DYNC2H1: variants seen among roughly 807,000 people sequenced by gnomAD.
The protein encoded by DYNC2H1 is dynein cytoplasmic 2 heavy chain 1.
DYNC2H1 carries 410 observed loss-of-function variants against 570.0 expected under a neutral mutation model. The ratio of observed to expected loss-of-function variants is 0.72; its 90% CI spans 0.66 to 0.78. The LOEUF (loss-of-function observed/expected upper bound fraction) is 0.78. Among genes scored for constraint, DYNC2H1 ranks in the 30% least tolerant of loss-of-function variants. The pLI, the probability that DYNC2H1 is intolerant of heterozygous loss-of-function variation, is 0.00. For missense variants in DYNC2H1, 4,865 were observed against 5,046.4 expected, an observed-to-expected ratio of 0.96 and a Z score of 1.09; for synonymous variants, 1,688 against 1,677.6, an observed-to-expected ratio of 1.01 and a Z score of -0.15.
intron 83 of DYNC2H1, among the ~76,000 whole-genome samples, chr11:103,371,205 A>G (rs920799878): frequency 1.3e-5 from 2 of 152,120 alleles, no homozygotes; most frequent in Non-Finnish European, 2.9e-5. Flanking sequence ...AACAGAATTC[A>G]TCAAGCAGAA....
chr11:103,329,200 T>G (rs868270637), intron 82 of DYNC2H1, among the ~76,000 whole-genome samples: 4 of 151,834 alleles, frequency 2.6e-5, no homozygotes, highest in South Asian at 4.2e-4. Flanking sequence ...GATTAACACA[T>G]ACTTGAAGAT....
intron 31 of DYNC2H1, among the ~76,000 whole-genome samples, chr11:103,166,990 CTTTTT>C (rs34816989): frequency 3.5e-5 from 2 of 56,992 alleles, no homozygotes; most frequent in African/African-American, 1.4e-4. Context: ...GAGGCGCTGC[CTTTTT>C]TTTTTTTTTT....
chr11:103,196,694 T>C (rs958561754), intron 47 of DYNC2H1, among the ~76,000 whole-genome samples: 1 of 152,048 alleles, frequency 6.6e-6, no homozygotes, highest in Non-Finnish European at 1.5e-5. Context: ...AGCAGAAAAC[T>C]GAAAAGGACT....
intron 50 of DYNC2H1, 136 bp downstream of exon 50, chr11:103,200,290 C>T (rs944893142): frequency 3.3e-5 from 20 of 610,484 alleles, no homozygotes; most frequent in Non-Finnish European, 4.2e-5. Flanking sequence ...TGGTGTTAAA[C>T]ATGCTCATGG....
intron 70 of DYNC2H1, among the ~76,000 whole-genome samples, chr11:103,262,776 T>A (rs1865353045): frequency 6.6e-6 from 1 of 152,006 alleles, no homozygotes; most frequent in African/African-American, 2.4e-5. Flanking sequence ...ATCAACACTA[T>A]GAAGAAACTG....
At chr11:103,322,999 C>T (rs563277763) in intron 81 of DYNC2H1, among the ~76,000 whole-genome samples, 97 of 152,138 alleles carry the variant, frequency 6.4e-4, no homozygotes, top group Non-Finnish European at 1.2e-3. Flanking sequence ...TTACAGGCCC[C>T]GGACTTCCTG....
chr11:103,282,857 T>C, intron 72 of DYNC2H1, 151 bp from the exon 73 acceptor site: 1 of 566,302 alleles, frequency 1.8e-6, no homozygotes, highest in East Asian at 3.2e-5. Flanking sequence ...CATAGAATTT[T>C]ACCATGGTGA....
rs597442 is a variant in DYNC2H1, at chr11:103,446,479, G to A, written c.12457-8707G>A. Among the ~76,000 whole-genome samples the A allele has an allele frequency of 0.36, 54,074 of 152,006 alleles. 10,206 individuals are homozygous for A. The highest frequency in any genetic ancestry group is 0.48 in the African/African-American group (19,752 of 41,446). On this transcript the variant is annotated intron_variant, in intron 85 of 88. Transcript: ENST00000375735. The surrounding 1 kb of genome is among the most constrained non-coding windows in gnomAD (Gnocchi z 4.5). ...AATCATGTTTGGCAACATGGAAGAC[G>A]TTGGTGATCTTGAGGAGATGTTTTG... is the stretch of plus-strand genomic sequence containing the variant.
intron 83 of DYNC2H1, among the ~76,000 whole-genome samples, chr11:103,366,972 G>A (rs979532597): frequency 6.6e-5 from 10 of 151,902 alleles, no homozygotes; most frequent in East Asian, 1.9e-4. Context: ...TCCTAATAAC[G>A]TAACAAAAAA....
At chr11:103,166,843 A>G (rs573476202) in intron 31 of DYNC2H1, among the ~76,000 whole-genome samples, 1 of 151,888 alleles carries the variant, frequency 6.6e-6, no homozygotes, top group South Asian at 2.1e-4. Flanking sequence ...CAATCTGTAC[A>G]TTTGTTTTTC....
At chr11:103,167,089 C>T (rs1861351294) in intron 31 of DYNC2H1, among the ~76,000 whole-genome samples, 1 of 137,774 alleles carries the variant, frequency 7.3e-6, no homozygotes, top group Non-Finnish European at 1.5e-5. Context: ...TTATTATTTC[C>T]ATTTCAATAT....
chr11:103,162,852 G>T (rs1308284739), intron 29 of DYNC2H1, among the ~76,000 whole-genome samples, 176 bp from the exon 30 acceptor site: 2 of 152,066 alleles, frequency 1.3e-5, no homozygotes, highest in Admixed American at 1.3e-4. Flanking sequence ...AGAAAATAAA[G>T]AATTATATTC....
intron 73 of DYNC2H1, among the ~76,000 whole-genome samples, chr11:103,284,886 G>T (rs688342): frequency 6.6e-6 from 1 of 151,838 alleles, no homozygotes; most frequent in Non-Finnish European, 1.5e-5. Context: ...ATCTTACACC[G>T]CACTCTTGAA....
intron 71 of DYNC2H1, 155 bp from the exon 72 acceptor site, chr11:103,282,024 C>A: frequency 1.5e-5 from 8 of 535,506 alleles, no homozygotes; most frequent in Non-Finnish European, 9.7e-6. Context: ...TTAATTCATT[C>A]TTGATAATGT....
At position 103,192,278 on chromosome 11, in the gene DYNC2H1, G is replaced by A. The variant is rs767197533; in HGVS notation, c.7708+14G>A. 2 of 1,474,670 alleles carry A rather than the reference G, an allele frequency of 1.4e-6. No homozygotes were observed. The highest frequency in any genetic ancestry group is 1.6e-5 in the South Asian group (1 of 61,948). 91.3% of individuals were successfully genotyped at this position (1,474,670 alleles called of 1,614,324 possible). A position where few individuals can be genotyped will look rare whatever the true frequency, so the allele number is the denominator to read the frequency against. ...ACAATATGTCAGGTAAGGTAATAGA[G>A]CTTATGCAAATACATAACTATTACA... On this transcript the variant is annotated intron_variant, in intron 47 of 88. Coordinates refer to ENST00000375735, the MANE Select transcript of DYNC2H1 (RefSeq NM_001377.3).
At position 103,209,567 on chromosome 11, in the gene DYNC2H1, G is replaced by A. The variant is rs1863067648; in HGVS notation, c.8455-309G>A. Among the ~76,000 whole-genome samples the A allele has an allele frequency of 6.6e-6, 1 of 151,884 alleles. No homozygotes were observed. The highest frequency in any genetic ancestry group is 2.4e-5 in the African/African-American group (1 of 41,418). ...AAATAAAATATTTTTATTATTGTAT[G>A]TTTTTAAATGACATTGTGATTATTT... On this transcript the variant is annotated intron_variant, in intron 52 of 88. Coordinates refer to ENST00000375735, the MANE Select transcript of DYNC2H1 (RefSeq NM_001377.3). The surrounding 1 kb of genome is among the most constrained non-coding windows in gnomAD (Gnocchi z 4.2).
intron 20 of DYNC2H1, among the ~76,000 whole-genome samples, chr11:103,149,116 T>A (rs534151913): frequency 6.6e-6 from 1 of 152,300 alleles, no homozygotes; most frequent in Non-Finnish European, 1.5e-5. Flanking sequence ...ATTGGTGTAA[T>A]GAAACAGTAA....
Position 103,186,475 on chromosome 11 carries a change from G to T in DYNC2H1, c.6867G>T (p.Leu2289=). The change falls in exon 42 of 89, where the codon CTG becomes CTT. Residue 2289 remains leucine (L), a synonymous_variant. Coordinates refer to ENST00000375735, the MANE Select transcript of DYNC2H1 (RefSeq NM_001377.3). The surrounding 1 kb of genome is among the most constrained non-coding windows in gnomAD (Gnocchi z 4.5). ...CTGATACTAAACAGCCCTTTATTCTGGTAGGACCAGAAGGATGTGGCAAAG... is the reference window on the plus strand; with the variant it reads ...CTGATACTAAACAGCCCTTTATTCTTGTAGGACCAGAAGGATGTGGCAAAG... ...LSSDTKQPFI[L]VGPEGCGKGM... The T allele has an allele frequency of 3.7e-6, 6 of 1,611,504 alleles. No individual in the cohort carries two copies. In the South Asian group the frequency reaches 5.5e-5, roughly 15 times the overall value.
Position 103,185,138 on chromosome 11 carries a change from A to G in DYNC2H1, c.6633+87A>G, listed in dbSNP as rs1163853547. 4 of 1,258,198 alleles carry G rather than the reference A, an allele frequency of 3.2e-6. No homozygotes were observed. The East Asian group carries it at 9.8e-5, about 31-fold the overall frequency. 77.9% of individuals were successfully genotyped at this position (1,258,198 alleles called of 1,614,324 possible). ...CCAAAACACAATGATTTGTAACTGTAAGATATGGAACTTTTAAAATTTGAA... is the reference window on the plus strand; with the variant it reads ...CCAAAACACAATGATTTGTAACTGTGAGATATGGAACTTTTAAAATTTGAA... On this transcript the variant is annotated intron_variant, in intron 41 of 88. Coordinates refer to ENST00000375735, the MANE Select transcript of DYNC2H1 (RefSeq NM_001377.3). The surrounding 1 kb of genome is among the most constrained non-coding windows in gnomAD (Gnocchi z 4.5).
Sources: gnomAD v4.1 joint callset for allele counts (sites outside exome capture counted in the v4.1 genomes callset) on GRCh38, gnomAD v4.1.1 for gene constraint, Gnocchi (gnomAD v3.1) non-coding constraint, MANE v1.5 for transcripts, NCBI Gene and HGNC (gene_info 2026-07-23, HGNC 2026-07-21) for gene names.